The following AZGP1 variants were observed in gnomAD, a reference collection of about 807,000 sequenced individuals.
The protein encoded by AZGP1 is zinc-alpha-2-glycoprotein.
In AZGP1, 28 loss-of-function variants were observed where a neutral mutation model predicts 31.5. The ratio of observed to expected loss-of-function variants is 0.89; its 90% CI spans 0.66 to 1.22. The LOEUF (loss-of-function observed/expected upper bound fraction) is 1.22. Ranked by LOEUF, AZGP1 falls within the 50% of genes most tolerant of loss-of-function variation. The pLI, the probability that AZGP1 is intolerant of heterozygous loss-of-function variation, is 0.00. For synonymous variants in AZGP1, 135 were observed against 145.4 expected, an observed-to-expected ratio of 0.93 and a Z score of 0.51; for missense variants, 361 against 371.8, an observed-to-expected ratio of 0.97 and a Z score of 0.24.
chr7:99,971,970 G>T lies in AZGP1; in HGVS notation c.113C>A (p.Ser38Tyr). Residue 38 changes from serine to tyrosine, a missense_variant, in exon 2 of 4, where the codon TCC (serine) becomes TAC (tyrosine). Physicochemically the swap from Ser to Tyr is moderately radical, Grantham distance 144 (BLOSUM62 -2). Coordinates refer to ENST00000292401, the MANE Select transcript of AZGP1 (RefSeq NM_001185.4). ...CGCGGGGACGTCTTCAACATGCTTGGACAGCCCAGTGTAGATATAGGTCAG... is the reference window on the plus strand; with the variant it reads ...CGCGGGGACGTCTTCAACATGCTTGTACAGCCCAGTGTAGATATAGGTCAG... ...YSLTYIYTGL[S>Y]KHVEDVPAFQ... 1 of 1,614,022 alleles carries T rather than the reference G, an allele frequency of 6.2e-7. No homozygotes were observed. Among genetic ancestry groups the T allele is most frequent in the Non-Finnish European group, 8.5e-7 (1 of 1,179,952 alleles).
chr7:99,975,105 ATG>A (rs1393852336), intron 1 of AZGP1, among the ~76,000 whole-genome samples: 3 of 151,828 alleles, frequency 2.0e-5, no homozygotes, highest in Non-Finnish European at 4.4e-5. Context: ...ATCTCTTCCT[ATG>A]TGTGTGTGTA....
At chr7:99,974,103 T>C (rs2115690259) in intron 1 of AZGP1, among the ~76,000 whole-genome samples, 1 of 151,954 alleles carries the variant, frequency 6.6e-6, no homozygotes, top group East Asian at 1.9e-4. Flanking sequence ...TGAAACCCTA[T>C]CTCTATTAAA....
chr7:99,975,018 T>C (rs1352600524), intron 1 of AZGP1, among the ~76,000 whole-genome samples: 1 of 152,216 alleles, frequency 6.6e-6, no homozygotes, highest in Non-Finnish European at 1.5e-5. Flanking sequence ...TTAGGACTTG[T>C]TACTCCTCCC....
chr7:99,967,591 G>A (rs1230074057), intron 3 of AZGP1: 2 of 486,260 alleles, frequency 4.1e-6, no homozygotes, highest in East Asian at 3.9e-5. Context: ...CAGTCCAGCT[G>A]CTTGGTTCAG....
chr7:99,975,959 T>A lies in AZGP1; in HGVS notation c.62A>T (p.Gln21Leu). ...LLLLLGPAVP[Q>L]ENQDGRYSLT... ...TCCCCACTCACCATCTTGGTTCTCC[T>A]GGGGGACAGCAGGACCCAGAAGCAG... Residue 21 changes from glutamine (Q) to leucine (L), a missense_variant, in exon 1 of 4, where the codon CAG (glutamine) becomes CTG (leucine). Transcript: ENST00000292401. 1 of 1,614,076 alleles carries A rather than the reference T, an allele frequency of 6.2e-7. No homozygotes were observed. Among genetic ancestry groups the A allele is most frequent in the South Asian group, 1.1e-5 (1 of 91,082 alleles).
chr7:99,975,406 C>T (rs1437989139), intron 1 of AZGP1, among the ~76,000 whole-genome samples: 1 of 152,148 alleles, frequency 6.6e-6, no homozygotes, highest in African/African-American at 2.4e-5. Flanking sequence ...CTAGGAGTGA[C>T]TCTTGATCTC....
intron 3 of AZGP1, 121 bp from the exon 4 acceptor site, chr7:99,967,407 A>T: frequency 8.7e-7 from 1 of 1,155,414 alleles, no homozygotes; most frequent in Non-Finnish European, 1.2e-6. Flanking sequence ...GTACCTGCCC[A>T]CCCCCAGCCC....
At chr7:99,972,452 C>A (rs1433799291) in intron 1 of AZGP1, among the ~76,000 whole-genome samples, 1 of 152,186 alleles carries the variant, frequency 6.6e-6, no homozygotes, top group African/African-American at 2.4e-5. Flanking sequence ...TGGCCTGGAT[C>A]CCTGAGTCAC....
chr7:99,970,289 G>A (rs907328100), intron 2 of AZGP1, among the ~76,000 whole-genome samples: 19 of 152,020 alleles, frequency 1.2e-4, no homozygotes, highest in African/African-American at 4.4e-4. Context: ...TGTCACCCAG[G>A]CTGTAGTGCA....
At chr7:99,973,720 A>G (rs1466134742) in intron 1 of AZGP1, among the ~76,000 whole-genome samples, 1 of 151,438 alleles carries the variant, frequency 6.6e-6, no homozygotes, top group Admixed American at 6.6e-5. Flanking sequence ...GTTCGAAACC[A>G]GCCTGGCCAA....
At chr7:99,970,005 A>G (rs1789552995) in intron 2 of AZGP1, among the ~76,000 whole-genome samples, 1 of 152,072 alleles carries the variant, frequency 6.6e-6, no homozygotes, top group Non-Finnish European at 1.5e-5. Flanking sequence ...AGACTCTGAA[A>G]GCTCTCAAGC....
chr7:99,974,361 G>A (rs1584302305), intron 1 of AZGP1, among the ~76,000 whole-genome samples: 1 of 151,996 alleles, frequency 6.6e-6, no homozygotes, highest in East Asian at 1.9e-4. Context: ...ACCAAGGCGG[G>A]CAGATCACGA....
At chr7:99,969,429 C>T (rs1262427143) in intron 2 of AZGP1, among the ~76,000 whole-genome samples, 1 of 138,846 alleles carries the variant, frequency 7.2e-6, no homozygotes, top group East Asian at 2.2e-4. Context: ...AAAAAATTAA[C>T]CAGGAGTAGT....
chr7:99,970,565 G>A (rs1334298702), intron 2 of AZGP1, among the ~76,000 whole-genome samples: 4 of 151,932 alleles, frequency 2.6e-5, no homozygotes, highest in African/African-American at 9.7e-5. Flanking sequence ...CTAATACCCT[G>A]TGTTCATCTC....
At chr7:99,975,105 A>ATG (rs1393852336) in intron 1 of AZGP1, among the ~76,000 whole-genome samples, 2 of 151,828 alleles carry the variant, frequency 1.3e-5, no homozygotes, top group Non-Finnish European at 2.9e-5. Context: ...ATCTCTTCCT[A>ATG]TGTGTGTGTG....
chr7:99,968,171 A>G lies in AZGP1; in HGVS notation c.597T>C (p.Asn199=). 1 of 1,613,646 alleles carries G rather than the reference A, an allele frequency of 6.2e-7. No homozygotes were observed. Residue 199 remains asparagine (N), a synonymous_variant, in exon 3 of 4, where the codon AAT becomes AAC. Transcript: ENST00000292401. ...AGTGAGTACCTTGCCGGTCCAGGAT[A>G]TTTTTGCTGTATTTCAGGTATTTCC... ...TLRKYLKYSK[N]ILDRQDPPSV... is the part of the protein sequence containing the mutation.
chr7:99,968,596 A>G (rs1356853776), intron 2 of AZGP1, 166 bp from the exon 3 acceptor site: 15 of 839,948 alleles, frequency 1.8e-5, no homozygotes, highest in Non-Finnish European at 2.8e-5. Flanking sequence ...CAATATATAC[A>G]ACAGACAGAG....
intron 2 of AZGP1, among the ~76,000 whole-genome samples, chr7:99,968,962 CAAAAAAAAAAAA>C (rs869115613): frequency 1.5e-4 from 4 of 26,700 alleles, no homozygotes; most frequent in East Asian, 1.4e-3. Context: ...GACCCTATCT[CAAAAAAAAAAAA>C]AAAAAAAAAA....
At position 99,971,990 on chromosome 7, in the gene AZGP1, G is replaced by T. The variant is rs1562798689; in HGVS notation, c.93C>A (p.Thr31=). 8.7e-6 allele frequency: 14 copies of T among 1,610,214 alleles called. No individual in the cohort carries two copies. Among genetic ancestry groups the T allele is most frequent in the Non-Finnish European group, 1.1e-5 (13 of 1,177,804 alleles). ...QENQDGRYSL[T]YIYTGLSKHV... Reference sequence around the variant, plus strand: ...GCTTGGACAGCCCAGTGTAGATATAGGTCAGAGAGTAACGACCTGCAAAAG... The same window carrying T: ...GCTTGGACAGCCCAGTGTAGATATATGTCAGAGAGTAACGACCTGCAAAAG... The change falls in exon 2 of 4, where the codon ACC becomes ACA. Residue 31 remains threonine (T), a synonymous_variant. Coordinates refer to ENST00000292401, the MANE Select transcript of AZGP1 (RefSeq NM_001185.4).
Sources: gnomAD v4.1 joint callset for allele counts (sites outside exome capture counted in the v4.1 genomes callset) on GRCh38, gnomAD v4.1.1 for gene constraint, MANE v1.5 for transcripts, NCBI Gene and HGNC (gene_info 2026-07-23, HGNC 2026-07-21) for gene names.